XYLT1: variants seen among roughly 807,000 people sequenced by gnomAD.
The protein encoded by XYLT1 is beta-D-xylosyltransferase 1.
A neutral mutation model predicts 91.3 loss-of-function variants in XYLT1; 36 were observed. The ratio of observed to expected loss-of-function variants is 0.39; its 90% confidence interval spans 0.30 to 0.52. The LOEUF is 0.52. Among genes scored for constraint, XYLT1 ranks in the 20% least tolerant of loss-of-function variants. The pLI, the probability that XYLT1 is intolerant of heterozygous loss-of-function variation, is 0.68. For missense variants in XYLT1, 1,242 were observed against 1,284.5 expected (o/e 0.97, Z 0.51); for synonymous variants, 588 against 532.0 (o/e 1.11, Z -1.45).
rs554921846 is a variant in XYLT1, at chr16:17,102,065, G to A, written c.*6630C>T. 6.6e-6 allele frequency: 1 copy of A among 152,282 alleles called. No individual in the cohort carries two copies. Among genetic ancestry groups the A allele is most frequent in the South Asian group, 2.1e-4 (1 of 4,824 alleles). 9.4% of individuals were successfully genotyped at this position (152,282 alleles called of 1,614,324 possible). On this transcript the variant is annotated 3_prime_UTR_variant, in exon 12 of 12. Transcript: ENST00000261381. ...CAGGAGGTACTTATAGGAGGTTGTT[G>A]CTATAATCCAGTTAGAAGATGACAG...
chr16:17,122,920 G>C (rs1040166413), intron 10 of XYLT1, among the ~76,000 whole-genome samples: 2 of 152,110 alleles, frequency 1.3e-5, no homozygotes, highest in Non-Finnish European at 2.9e-5. Context: ...TCTCTATTCT[G>C]TTCCACTGTT....
chr16:17,408,031 G>A (rs2036056164), intron 1 of XYLT1, among the ~76,000 whole-genome samples: 2 of 152,140 alleles, frequency 1.3e-5, no homozygotes, highest in South Asian at 2.1e-4. Context: ...GCTGTCGGAG[G>A]CCCTCGCCAG....
At chr16:17,431,237 G>A (rs1325075113) in intron 1 of XYLT1, among the ~76,000 whole-genome samples, 3 of 152,102 alleles carry the variant, frequency 2.0e-5, no homozygotes, top group African/African-American at 7.2e-5. Context: ...TGTCCTTCAA[G>A]GCCTTATTTT....
chr16:17,440,949 A>T (rs557608176), intron 1 of XYLT1, among the ~76,000 whole-genome samples: 2 of 152,276 alleles, frequency 1.3e-5, no homozygotes, highest in Non-Finnish European at 2.9e-5. Flanking sequence ...TCATCTGTAA[A>T]ACGGGCATAA....
intron 3 of XYLT1, among the ~76,000 whole-genome samples, chr16:17,256,660 C>CAAAAAAAAAAAAAAAAAA (rs397820604): frequency 6.8e-6 from 1 of 147,164 alleles, no homozygotes; most frequent in African/African-American, 2.6e-5. Context: ...AAAAAAAAAA[C>CAAAAAAAAAAAAAAAAAA]AAAAAAAAGA....
At chr16:17,421,258 G>A (rs1359267164) in intron 1 of XYLT1, among the ~76,000 whole-genome samples, 1 of 152,106 alleles carries the variant, frequency 6.6e-6, no homozygotes, top group African/African-American at 2.4e-5. Context: ...ATCACTACAA[G>A]GCTCCTGAAA....
chr16:17,138,599 A>ATGGTGAACCCT, intron 7 of XYLT1, 68 bp from the exon 8 acceptor site: 1 of 1,565,520 alleles, frequency 6.4e-7, no homozygotes, highest in Non-Finnish European at 8.8e-7. Flanking sequence ...GGGGTGGGAA[A>ATGGTGAACCCT]TGGTGAACCC....
intron 1 of XYLT1, among the ~76,000 whole-genome samples, chr16:17,413,501 C>T (rs566292647): frequency 6.7e-5 from 10 of 149,700 alleles, no homozygotes; most frequent in Admixed American, 2.0e-4. Flanking sequence ...TGCAGTGGTG[C>T]GTGGTGCAAT....
chr16:17,117,825 G>C lies in XYLT1; in HGVS notation c.2378C>G (p.Ala793Gly), dbSNP rs369216955. 1.9e-6 allele frequency: 3 copies of C among 1,614,016 alleles called. No homozygotes were observed. Among genetic ancestry groups the C allele is most frequent in the Non-Finnish European group, 2.5e-6 (3 of 1,180,038 alleles). Residue 793 changes from alanine (A) to glycine (G), a missense_variant, in exon 11 of 12, where the codon GCC becomes GGC. By Grantham distance (60) the Ala-to-Gly change is moderately conservative (BLOSUM62 0). Coordinates refer to ENST00000261381, the MANE Select transcript of XYLT1 (RefSeq NM_022166.4). ...GGACTCAATGAGGATGTCGTAGGTG[G>C]CTGCGATGACATTGACGGGATCCAC... ...IWVDPVNVIAATYDILIESTA... is the reference protein window; with the variant it reads ...IWVDPVNVIAGTYDILIESTA...
At chr16:17,339,829 TTCC>T (rs2035039739) in intron 2 of XYLT1, among the ~76,000 whole-genome samples, 1 of 150,458 alleles carries the variant, frequency 6.6e-6, no homozygotes, top group Non-Finnish European at 1.5e-5. Context: ...TTTTCCCTCC[TTCC>T]TTCTTCCTTC....
rs536978944 is a variant in XYLT1, at chr16:17,195,677, CT to C, written c.1289+2534del. 5.9e-3 allele frequency among the ~76,000 whole-genome samples: 901 copies of C among 152,196 alleles called. 4 individuals carry two copies. Among genetic ancestry groups the C allele is most frequent in the Non-Finnish European group, 9.9e-3 (676 of 67,990 alleles). ...GCCAGGCTGGTCTTGAACTCCTGACCTTGTGATCCACCTGCCTTGGCCTCTC... is the reference window on the plus strand; with the variant it reads ...GCCAGGCTGGTCTTGAACTCCTGACCTGTGATCCACCTGCCTTGGCCTCTC... On this transcript the variant is annotated intron_variant, in intron 5 of 11. Coordinates refer to ENST00000261381, the MANE Select transcript of XYLT1 (RefSeq NM_022166.4).
intron 1 of XYLT1, among the ~76,000 whole-genome samples, chr16:17,358,979 G>A (rs2141863682): frequency 6.6e-6 from 1 of 152,260 alleles, no homozygotes; most frequent in East Asian, 1.9e-4. Flanking sequence ...TGGTGGTACT[G>A]TCTCGGGTCA....
chr16:17,118,064 C>G (rs943436258), intron 10 of XYLT1, 85 bp from the exon 11 acceptor site: 2 of 1,357,408 alleles, frequency 1.5e-6, no homozygotes, highest in Non-Finnish European at 2.0e-6. Context: ...CCTTTGTTAG[C>G]TTTCATATAC....
intron 6 of XYLT1, among the ~76,000 whole-genome samples, chr16:17,149,647 C>T (rs1567296704): frequency 6.6e-6 from 1 of 152,198 alleles, no homozygotes; most frequent in Non-Finnish European, 1.5e-5. Context: ...CAGGAAAGGG[C>T]AGTTTAGCTG....
rs2035326903 is a variant in XYLT1 at position 17,358,066 on chromosome 16, A to G, written c.364-16T>C. The G allele has an allele frequency of 6.2e-7, 1 of 1,612,462 alleles. No individual in the cohort carries two copies. On this transcript the variant is annotated splice_polypyrimidine_tract_variant and intron_variant, in intron 1 of 11. Coordinates refer to ENST00000261381, the MANE Select transcript of XYLT1 (RefSeq NM_022166.4). ...GGTGTGGATCCTGTAGGATGAAAGG[A>G]GAAAATGCACGTGAGGAGTGAAAAA...
At position 17,388,019 on chromosome 16, in the gene XYLT1, G is replaced by A. The variant is rs183716315; in HGVS notation, c.364-29969C>T. ...GTTAGATCCAATAAACCCACCGTAA[G>A]CTGAAAATAGCCTAAGTTGAAAATG... On this transcript the variant is annotated intron_variant, in intron 1 of 11. Transcript: ENST00000261381. 1.6e-3 allele frequency among the ~76,000 whole-genome samples: 245 copies of A among 152,274 alleles called. 1 individual carries two copies. Among genetic ancestry groups the A allele is most frequent in the African/African-American group, 5.8e-3 (239 of 41,556 alleles).
intron 1 of XYLT1, among the ~76,000 whole-genome samples, chr16:17,380,492 T>A (rs2035666300): frequency 6.6e-6 from 1 of 152,186 alleles, no homozygotes; most frequent in Admixed American, 6.5e-5. Flanking sequence ...TTTATATCCT[T>A]TTCTCATGGG....
chr16:17,425,833 C>T (rs536426872), intron 1 of XYLT1, among the ~76,000 whole-genome samples: 1 of 152,270 alleles, frequency 6.6e-6, no homozygotes, highest in East Asian at 1.9e-4. Context: ...ATACATCCTT[C>T]AAACTCAGCT....
chr16:17,160,468 G>A (rs754054581), intron 5 of XYLT1, among the ~76,000 whole-genome samples: 1 of 152,166 alleles, frequency 6.6e-6, no homozygotes, highest in South Asian at 2.1e-4. Flanking sequence ...CCAGCGGAGG[G>A]GGCACAAAGC....
Sources: gnomAD v4.1 joint callset for allele counts (sites outside exome capture counted in the v4.1 genomes callset) on GRCh38, gnomAD v4.1.1 for gene constraint, MANE v1.5 for transcripts, NCBI Gene and HGNC (gene_info 2026-07-23, HGNC 2026-07-21) for gene names.